RECK: variants seen among roughly 807,000 people sequenced by gnomAD.
The protein encoded by RECK is reversion-inducing cysteine-rich protein with Kazal motifs.
RECK carries 69 observed loss-of-function variants against 115.1 expected under a neutral mutation model. The observed-to-expected ratio is 0.60, with a 90% CI of 0.49 to 0.73. RECK has a LOEUF of 0.73. Among genes scored for constraint, RECK ranks in the 30% least tolerant of loss-of-function variants. The pLI is 0.00. For missense variants in RECK, 1,047 were observed against 1,203.7 expected (o/e 0.87, Z 1.93); for synonymous variants, 414 against 419.7 (o/e 0.99, Z 0.17).
intron 1 of RECK, among the ~76,000 whole-genome samples, chr9:36,046,364 A>G (rs1821073350): frequency 6.6e-6 from 1 of 152,224 alleles, no homozygotes; most frequent in Non-Finnish European, 1.5e-5. Context: ...TTCTTCTCCC[A>G]TTGATAACGA....
At chr9:36,079,482 T>G (rs548607172) in intron 6 of RECK, among the ~76,000 whole-genome samples, 51 of 152,346 alleles carry the variant, frequency 3.3e-4, no homozygotes, top group African/African-American at 1.1e-3. Context: ...CTGTTTTATT[T>G]TGCTTTAAAT....
chr9:36,043,875 C>T (rs984845141), intron 1 of RECK, among the ~76,000 whole-genome samples: 1 of 152,090 alleles, frequency 6.6e-6, no homozygotes, highest in Admixed American at 6.6e-5. Flanking sequence ...TCCTATGTGC[C>T]TATTTTTATA....
intron 10 of RECK, among the ~76,000 whole-genome samples, chr9:36,096,651 T>C (rs933188179): frequency 6.6e-6 from 1 of 151,944 alleles, no homozygotes; most frequent in Non-Finnish European, 1.5e-5. Context: ...CAACCTGTGT[T>C]TCACACCCTA....
intron 6 of RECK, among the ~76,000 whole-genome samples, chr9:36,069,959 G>A (rs1033537789): frequency 1.3e-5 from 2 of 152,200 alleles, no homozygotes; most frequent in Non-Finnish European, 2.9e-5. Context: ...GGTTCCGAAA[G>A]AAAGTAACTA....
At chr9:36,117,529 T>C (rs144066689) in intron 17 of RECK, among the ~76,000 whole-genome samples, 25 of 152,348 alleles carry the variant, frequency 1.6e-4, no homozygotes, top group African/African-American at 5.8e-4. Context: ...GCAGGAAGAA[T>C]GTGAGTCAAA....
rs185569903 is a variant in RECK at position 36,096,577 on chromosome 9, C to A, written c.1086-3754C>A. Among the ~76,000 whole-genome samples, 4 of 152,028 alleles carry A rather than the reference C, an allele frequency of 2.6e-5. No homozygotes were observed. In the East Asian group the frequency reaches 7.7e-4, roughly 29 times the overall value. On this transcript the variant is annotated intron_variant, in intron 10 of 20. Transcript: ENST00000377966. ...TAAAATAAAATAAAATAAATAGAAA[C>A]ATCTTTTCAACAAATAATACTAGAA... is the stretch of plus-strand genomic sequence containing the variant.
chr9:36,113,299 A>T (rs887413103), intron 16 of RECK, among the ~76,000 whole-genome samples: 1 of 152,176 alleles, frequency 6.6e-6, no homozygotes, highest in Non-Finnish European at 1.5e-5. Context: ...CTGCTTCTCC[A>T]TCCTGAAAAC....
At chr9:36,076,590 A>G (rs1822458950) in intron 6 of RECK, among the ~76,000 whole-genome samples, 1 of 152,124 alleles carries the variant, frequency 6.6e-6, no homozygotes, top group Non-Finnish European at 1.5e-5. Context: ...CTAGTAATAT[A>G]TTGGAGCTGA....
chr9:36,080,781 A>G lies in RECK; in HGVS notation c.439+143A>G, dbSNP rs1564117530. On this transcript the variant is annotated intron_variant, in intron 7 of 20. Coordinates refer to ENST00000377966, the MANE Select transcript of RECK (RefSeq NM_021111.3). ...GTATTATAACAATTCCCATGTCTTA[A>G]CTGTAGATCTACAATGCAGATACTA... 3 of 704,278 alleles carry G rather than the reference A, an allele frequency of 4.3e-6. No homozygotes were observed. In the East Asian group the frequency reaches 8.2e-5, roughly 19 times the overall value. The allele number at this position is 704,278 out of a possible 1,614,324, so 43.6% of individuals were successfully genotyped here.
intron 7 of RECK, 53 bp downstream of exon 7, chr9:36,080,691 T>A (rs1023772299): frequency 7.5e-5 from 115 of 1,524,858 alleles, no homozygotes; most frequent in Non-Finnish European, 1.0e-4. Context: ...TAATTAGCCA[T>A]CTGAAGCAAT....
intron 14 of RECK, among the ~76,000 whole-genome samples, chr9:36,108,406 A>G (rs1231446669): frequency 6.6e-6 from 1 of 152,194 alleles, no homozygotes; most frequent in Non-Finnish European, 1.5e-5. Context: ...GCTAAACACA[A>G]AGCTAAGTCT....
At chr9:36,069,424 C>G (rs1332433823) in intron 6 of RECK, among the ~76,000 whole-genome samples, 1 of 148,910 alleles carries the variant, frequency 6.7e-6, no homozygotes, top group African/African-American at 2.5e-5. Flanking sequence ...CCTGTAAATC[C>G]CAGCTACTCG....
chr9:36,070,770 T>A (rs903247267), intron 6 of RECK, among the ~76,000 whole-genome samples: 1 of 152,176 alleles, frequency 6.6e-6, no homozygotes, highest in African/African-American at 2.4e-5. Flanking sequence ...AAATAATATA[T>A]CCTTCACTAC....
chr9:36,037,647 A>G (rs1324471), intron 1 of RECK, among the ~76,000 whole-genome samples: 36,430 of 151,328 alleles, frequency 0.24, 6,730 homozygotes, highest in East Asian at 0.54. Flanking sequence ...TTGAGGAGAG[A>G]AATTCTTGCT....
intron 1 of RECK, among the ~76,000 whole-genome samples, chr9:36,049,819 C>A (rs1036448242): frequency 1.3e-5 from 2 of 152,242 alleles, no homozygotes; most frequent in Non-Finnish European, 2.9e-5. Context: ...GAACTCACTG[C>A]AGTCAGGCTT....
At chr9:36,106,824 G>T (rs1299751740) in intron 13 of RECK, among the ~76,000 whole-genome samples, 1 of 151,616 alleles carries the variant, frequency 6.6e-6, no homozygotes, top group Non-Finnish European at 1.5e-5. Context: ...CAATTCAGGG[G>T]CCGGGCGCAG....
chr9:36,087,651 A>C (rs775540269), intron 8 of RECK, 43 bp from the exon 9 acceptor site: 7 of 1,572,238 alleles, frequency 4.5e-6, no homozygotes, highest in Non-Finnish European at 6.1e-6. Flanking sequence ...AAAAACAAAC[A>C]AAAAAAACAG....
intron 1 of RECK, among the ~76,000 whole-genome samples, chr9:36,043,191 ATTTTTTTT>A (rs761649232): frequency 9.3e-5 from 5 of 53,988 alleles, no homozygotes; most frequent in Non-Finnish European, 1.6e-4. Context: ...CGCCTGGCTA[ATTTTTTTT>A]TTTTTTTTTT....
At chr9:36,080,089 T>A (rs1313772227) in intron 6 of RECK, among the ~76,000 whole-genome samples, 4 of 152,212 alleles carry the variant, frequency 2.6e-5, no homozygotes, top group African/African-American at 9.6e-5. Context: ...TGTTTAAAAT[T>A]TAGATTTCTG....
Sources: allele counts gnomAD v4.1 joint callset (sites outside exome capture counted in the v4.1 genomes callset), GRCh38; gene constraint gnomAD v4.1.1; transcripts MANE v1.5; gene names NCBI Gene and HGNC (gene_info 2026-07-23, HGNC 2026-07-21).